TBC1D1: variants seen among roughly 807,000 people sequenced by gnomAD.
TBC1D1 encodes TBC1 domain family member 1.
A neutral mutation model predicts 125.6 loss-of-function variants in TBC1D1; 89 were observed. That is an observed-to-expected ratio of 0.71 (90% CI 0.60 to 0.85). The LOEUF (loss-of-function observed/expected upper bound fraction) is 0.85, where lower values mean the gene tolerates loss of function less well. Among genes scored for constraint, TBC1D1 ranks in the 40% least tolerant of loss-of-function variants. The probability of loss-of-function intolerance (pLI) is 0.00; values close to 1 mark genes in which losing one functional copy is unlikely to be tolerated. For synonymous variants in TBC1D1, 565 were observed against 564.1 expected (o/e 1.00, Z -0.02); for missense variants, 1,377 against 1,469.2 (o/e 0.94, Z 1.03).
intron 2 of TBC1D1, among the ~76,000 whole-genome samples, chr4:37,905,417 C>T (rs1717105821): frequency 6.6e-6 from 1 of 152,138 alleles, no homozygotes; most frequent in South Asian, 2.1e-4. Flanking sequence ...AATTGGCGCT[C>T]TTTAAAGATT....
chr4:37,971,068 G>A (rs1286995052), intron 2 of TBC1D1, among the ~76,000 whole-genome samples: 2 of 152,162 alleles, frequency 1.3e-5, no homozygotes, highest in African/African-American at 4.8e-5. Flanking sequence ...GAGTGTCAGG[G>A]TTTGTTTTGG....
rs1321719680 is a variant in TBC1D1, at chr4:37,994,323, C to T, written c.418-20186C>T. On this transcript the variant is annotated intron_variant, in intron 2 of 19. Transcript: ENST00000261439. ...GTTTGTTTTTTGAGACGAGGTCTTG[C>T]TCTGTCACCTGGATGAAGTGCAGTG... Among the ~76,000 whole-genome samples, 6 of 152,284 alleles carry T rather than the reference C, an allele frequency of 3.9e-5. No individual in the cohort carries two copies. In the East Asian group the frequency reaches 9.6e-4, roughly 24 times the overall value.
intron 3 of TBC1D1, among the ~76,000 whole-genome samples, chr4:38,016,491 T>A (rs1307029905): frequency 6.6e-6 from 1 of 152,248 alleles, no homozygotes; most frequent in Non-Finnish European, 1.5e-5. Flanking sequence ...ATCGTATCAG[T>A]AAGACCAATA....
intron 14 of TBC1D1, among the ~76,000 whole-genome samples, chr4:38,100,411 A>G (rs991800826): frequency 1.3e-5 from 2 of 152,192 alleles, no homozygotes; most frequent in Admixed American, 6.5e-5. Context: ...CCTTGGTCAC[A>G]TTGATTCCCC....
chr4:37,992,200 TGTA>T (rs1736719333), intron 2 of TBC1D1, among the ~76,000 whole-genome samples: 1 of 152,014 alleles, frequency 6.6e-6, no homozygotes, highest in Non-Finnish European at 1.5e-5. Context: ...GCAGGATGGA[TGTA>T]GGGAGATGCC....
intron 13 of TBC1D1, among the ~76,000 whole-genome samples, chr4:38,092,216 T>C (rs1226947471): frequency 1.3e-5 from 2 of 152,214 alleles, no homozygotes; most frequent in Non-Finnish European, 2.9e-5. Context: ...CACTTAATGT[T>C]GCCAATAGGT....
At chr4:37,991,191 C>T (rs1049255635) in intron 2 of TBC1D1, among the ~76,000 whole-genome samples, 2 of 152,204 alleles carry the variant, frequency 1.3e-5, no homozygotes, top group African/African-American at 4.8e-5. Flanking sequence ...GTAAATCCCA[C>T]TTTACAACCT....
chr4:38,040,374 C>T (rs367837603), intron 8 of TBC1D1, among the ~76,000 whole-genome samples: 6 of 152,132 alleles, frequency 3.9e-5, no homozygotes, highest in African/African-American at 1.2e-4. Flanking sequence ...CTGCAACCTC[C>T]GCCTCCCGGG....
chr4:38,023,256 AAAAG>A (rs1311545323), intron 6 of TBC1D1, among the ~76,000 whole-genome samples: 3 of 150,358 alleles, frequency 2.0e-5, no homozygotes, highest in Non-Finnish European at 1.5e-5. Flanking sequence ...AAAAAAAAAA[AAAAG>A]GAATATTTAT....
At chr4:38,059,654 T>C (rs1398085846) in intron 12 of TBC1D1, among the ~76,000 whole-genome samples, 1 of 152,238 alleles carries the variant, frequency 6.6e-6, no homozygotes. Context: ...AACTATACAC[T>C]AGGCAGAGGG....
chr4:38,106,602 C>G (rs565191953), intron 15 of TBC1D1, among the ~76,000 whole-genome samples: 2 of 152,188 alleles, frequency 1.3e-5, no homozygotes, highest in South Asian at 2.1e-4. Flanking sequence ...GACAGCCCCG[C>G]TCCCCACACT....
Position 38,126,597 on chromosome 4 carries a change from T to C in TBC1D1, c.3132+1466T>C, listed in dbSNP as rs118004223. On this transcript the variant is annotated intron_variant, in intron 18 of 19. Transcript: ENST00000261439. ...TTATGAAAGAACAGTTCTTGTCTGT[T>C]CTGCACTCATCTTTAATTGAGAGCC... Among the ~76,000 whole-genome samples the C allele has an allele frequency of 1.7e-3, 264 of 152,380 alleles. 5 individuals carry two copies. The East Asian group carries it at 0.033, about 19-fold the overall frequency.
chr4:38,124,219 C>CT (rs1414166069), intron 17 of TBC1D1, among the ~76,000 whole-genome samples: 3 of 151,830 alleles, frequency 2.0e-5, no homozygotes, highest in Non-Finnish European at 4.4e-5. Flanking sequence ...GACATCGACT[C>CT]TTTTTTTCCC....
At chr4:38,091,743 G>A (rs1371061129) in intron 13 of TBC1D1, among the ~76,000 whole-genome samples, 2 of 152,222 alleles carry the variant, frequency 1.3e-5, no homozygotes, top group Admixed American at 1.3e-4. Context: ...AATACATTCT[G>A]CTGTGCAAGC....
At chr4:38,004,065 T>G (rs1042154187) in intron 2 of TBC1D1, among the ~76,000 whole-genome samples, 4 of 152,192 alleles carry the variant, frequency 2.6e-5, no homozygotes, top group Non-Finnish European at 5.9e-5. Context: ...AGAGCTCAGG[T>G]GGCTTGCCCA....
chr4:38,070,750 G>A (rs1207637115), intron 12 of TBC1D1, among the ~76,000 whole-genome samples: 1 of 152,220 alleles, frequency 6.6e-6, no homozygotes, highest in Non-Finnish European at 1.5e-5. Context: ...AAGATGTGGT[G>A]ATAGGTGATA....
Position 38,102,238 on chromosome 4 carries a change from T to TATAATA in TBC1D1, c.2399-747_2399-742dup, listed in dbSNP as rs77574841. Among the ~76,000 whole-genome samples, 978 of 149,710 alleles carry TATAATA rather than the reference T, an allele frequency of 6.5e-3. 11 individuals carry two copies. Among genetic ancestry groups the TATAATA allele is most frequent in the African/African-American group, 0.021 (849 of 39,504 alleles). On this transcript the variant is annotated intron_variant, in intron 14 of 19. Transcript: ENST00000261439. Reference sequence around the variant, plus strand: ...TGCACATGTACCCTAAAATTTAAAGTATAATAATAATAATAATAAAAAGAA... The same window carrying TATAATA: ...TGCACATGTACCCTAAAATTTAAAGTATAATAATAATAATAATAATAATAAAAAGAA...
At chr4:37,934,190 A>G (rs1723900429) in intron 2 of TBC1D1, among the ~76,000 whole-genome samples, 1 of 152,210 alleles carries the variant, frequency 6.6e-6, no homozygotes, top group African/African-American at 2.4e-5. Flanking sequence ...AAAAGGAGTC[A>G]GACCAACTAG....
intron 2 of TBC1D1, among the ~76,000 whole-genome samples, chr4:38,003,283 T>C (rs1739422265): frequency 6.6e-6 from 1 of 152,138 alleles, no homozygotes; most frequent in African/African-American, 2.4e-5. Flanking sequence ...TTCCTGTGGG[T>C]GTTTATGATG....
Sources: gnomAD v4.1 joint callset for allele counts (sites outside exome capture counted in the v4.1 genomes callset) on GRCh38, gnomAD v4.1.1 for gene constraint, MANE v1.5 for transcripts, NCBI Gene and HGNC (gene_info 2026-07-23, HGNC 2026-07-21) for gene names.